RGS7: variants seen among roughly 807,000 people sequenced by gnomAD.
The protein encoded by RGS7 is regulator of G-protein signaling 7.
In RGS7, 27 loss-of-function variants were observed where a neutral mutation model predicts 81.1. The observed-to-expected ratio is 0.33, with a 90% CI of 0.25 to 0.46. RGS7 has a LOEUF of 0.46. Among genes scored for constraint, RGS7 ranks in the 20% least tolerant of loss-of-function variants. The pLI is 1.00. For synonymous variants in RGS7, 208 were observed against 207.7 expected, an observed-to-expected ratio of 1.00 and a Z score of -0.01; for missense variants, 396 against 607.4, an observed-to-expected ratio of 0.65 and a Z score of 3.66.
chr1:241,299,719 A>G (rs2079618651), intron 2 of RGS7, among the ~76,000 whole-genome samples: 1 of 151,978 alleles, frequency 6.6e-6, no homozygotes, highest in African/African-American at 2.4e-5. Flanking sequence ...ACAACCTGGT[A>G]CGATTACATA....
In RGS7 at chr1:241,271,554, T is replaced by G. The variant is rs933366163; in HGVS notation, c.78+84145A>C. Among the ~76,000 whole-genome samples, 2 of 152,204 alleles carry G rather than the reference T, an allele frequency of 1.3e-5. No homozygotes were observed. The highest frequency in any genetic ancestry group is 2.4e-5 in the African/African-American group (1 of 41,452). Reference sequence around the variant, plus strand: ...CAGGTATCTGGTTAAACATTATTTTTGGGTGTGTCTGTGAGAGGCTTTCTG... The same window carrying G: ...CAGGTATCTGGTTAAACATTATTTTGGGGTGTGTCTGTGAGAGGCTTTCTG... On this transcript the variant is annotated intron_variant, in intron 2 of 18. Transcript: ENST00000440928. This position sits in a 1 kb window ranked among gnomAD's most constrained non-coding sequence, Gnocchi z 4.6.
chr1:241,216,483 C>T (rs1165318491), intron 2 of RGS7, among the ~76,000 whole-genome samples: 2 of 152,158 alleles, frequency 1.3e-5, no homozygotes, highest in Non-Finnish European at 2.9e-5. Context: ...CAGTATCCTA[C>T]TCAACACCAG....
In RGS7 at chr1:241,080,019, C is replaced by G. The variant is rs377244129; in HGVS notation, c.175+18647G>C. On this transcript the variant is annotated intron_variant, in intron 3 of 18. Coordinates refer to ENST00000440928, the MANE Select transcript of RGS7 (RefSeq NM_001364886.1). ...TGTAATATGTCTGCATCAGTTAAAT[C>G]TCCCAAAACAAATTTGCAATATTGC... is the stretch of plus-strand genomic sequence containing the variant. Among the ~76,000 whole-genome samples the G allele has an allele frequency of 2.0e-5, 3 of 152,094 alleles. No homozygotes were observed. In the South Asian group the frequency reaches 6.2e-4, roughly 32 times the overall value.
intron 2 of RGS7, among the ~76,000 whole-genome samples, chr1:241,204,469 A>G (rs994616456): frequency 1.3e-5 from 2 of 152,198 alleles, no homozygotes; most frequent in Non-Finnish European, 2.9e-5. Flanking sequence ...CTTAGTGAAT[A>G]AAGAGGAAAT....
intron 2 of RGS7, among the ~76,000 whole-genome samples, chr1:241,323,759 ACT>A (rs1230675407): frequency 6.6e-6 from 1 of 152,120 alleles, no homozygotes; most frequent in African/African-American, 2.4e-5. Context: ...CAACCTGCAG[ACT>A]CACATCTATC....
intron 3 of RGS7, among the ~76,000 whole-genome samples, chr1:240,983,946 A>G (rs999258193): frequency 6.6e-6 from 1 of 152,222 alleles, no homozygotes; most frequent in African/African-American, 2.4e-5. Context: ...GGTCTGCAGA[A>G]AACAATGTTT....
intron 3 of RGS7, among the ~76,000 whole-genome samples, chr1:240,986,196 G>A (rs1685642037): frequency 6.6e-6 from 1 of 152,136 alleles, no homozygotes; most frequent in Non-Finnish European, 1.5e-5. Flanking sequence ...AGCAGAAGCA[G>A]TAGAGGTTTT....
At chr1:241,006,830 C>G (rs1436535787) in intron 3 of RGS7, among the ~76,000 whole-genome samples, 5 of 152,158 alleles carry the variant, frequency 3.3e-5, no homozygotes, top group Non-Finnish European at 5.9e-5. Flanking sequence ...TCCTCCTCAG[C>G]CTACTCAACC....
intron 2 of RGS7, among the ~76,000 whole-genome samples, chr1:241,210,242 C>G (rs2074169337): frequency 6.6e-6 from 1 of 152,126 alleles, no homozygotes; most frequent in South Asian, 2.1e-4. Context: ...CTCTGCCTGC[C>G]AGGTTCAAGT....
chr1:241,210,897 AT>A lies in RGS7; in HGVS notation c.79-112136del, dbSNP rs1303850876. Among the ~76,000 whole-genome samples the A allele has an allele frequency of 2.8e-4, 43 of 152,222 alleles. 1 individual carries two copies. Among genetic ancestry groups the A allele is most frequent in the African/African-American group, 9.9e-4 (41 of 41,460 alleles). ...GACACTATTTTGGTAATAGATCAAC[AT>A]AAGAAAATTTAAGGCTAGAGGTCAA... On this transcript the variant is annotated intron_variant, in intron 2 of 18. Coordinates refer to ENST00000440928, the MANE Select transcript of RGS7 (RefSeq NM_001364886.1).
chr1:241,347,675 C>A (rs1018858786), intron 2 of RGS7, among the ~76,000 whole-genome samples: 1 of 152,120 alleles, frequency 6.6e-6, no homozygotes, highest in African/African-American at 2.4e-5. Flanking sequence ...CATAAACACC[C>A]TGCACAGTAC....
At chr1:241,216,913 A>G (rs911491556) in intron 2 of RGS7, among the ~76,000 whole-genome samples, 1 of 152,240 alleles carries the variant, frequency 6.6e-6, no homozygotes, top group Non-Finnish European at 1.5e-5. Flanking sequence ...TTAAACCTGA[A>G]TCCAGCAACT....
intron 2 of RGS7, among the ~76,000 whole-genome samples, chr1:241,301,384 G>T (rs1316069615): frequency 6.6e-6 from 1 of 152,190 alleles, no homozygotes; most frequent in Non-Finnish European, 1.5e-5. Flanking sequence ...ACACTGAGGG[G>T]TTCAAATAGA....
intron 10 of RGS7, among the ~76,000 whole-genome samples, chr1:240,817,045 T>C (rs938235754): frequency 1.3e-5 from 2 of 152,192 alleles, no homozygotes; most frequent in African/African-American, 4.8e-5. Flanking sequence ...TCAATACCCT[T>C]GTATTTTTTA....
rs190878193 is a variant in RGS7 at position 240,951,825 on chromosome 1, T to G, written c.227-15119A>C. Among the ~76,000 whole-genome samples, 41 of 151,080 alleles carry G rather than the reference T, an allele frequency of 2.7e-4. No individual in the cohort carries two copies. In the East Asian group the frequency reaches 7.8e-3, roughly 29 times the overall value. ...AAGAAAAGTAAATAACAAAAAAATC[T>G]AAATCTACACATATCTTATTCTAAC... On this transcript the variant is annotated intron_variant, in intron 4 of 18. Coordinates refer to ENST00000440928, the MANE Select transcript of RGS7 (RefSeq NM_001364886.1).
At position 240,806,136 on chromosome 1, in the gene RGS7, C is replaced by G; in HGVS notation, c.1269+4G>C. 6.2e-7 allele frequency: 1 copy of G among 1,612,702 alleles called. No individual in the cohort carries two copies. Among genetic ancestry groups the G allele is most frequent in the South Asian group, 1.1e-5 (1 of 91,044 alleles). On this transcript the variant is annotated splice_donor_region_variant and intron_variant, in intron 15 of 18. Transcript: ENST00000440928. ...TTGTGGTGTGAGGCTCACCGTACACCCACCTGAGCATCTTCAAATGTGTAT... is the reference window on the plus strand; with the variant it reads ...TTGTGGTGTGAGGCTCACCGTACACGCACCTGAGCATCTTCAAATGTGTAT...
At chr1:241,006,555 G>A (rs1179889927) in intron 3 of RGS7, among the ~76,000 whole-genome samples, 3 of 152,150 alleles carry the variant, frequency 2.0e-5, no homozygotes. Flanking sequence ...AAACTAGAGG[G>A]AACAATGAAA....
At chr1:240,817,719 C>T (rs1691065221) in intron 10 of RGS7, among the ~76,000 whole-genome samples, 2 of 152,202 alleles carry the variant, frequency 1.3e-5, no homozygotes, top group Admixed American at 1.3e-4. Context: ...TCTCTTGCCT[C>T]AGCCTCCCAA....
At chr1:240,901,893 A>T (rs1015958776) in intron 6 of RGS7, among the ~76,000 whole-genome samples, 2 of 152,208 alleles carry the variant, frequency 1.3e-5, no homozygotes, top group Non-Finnish European at 2.9e-5. Context: ...ATCTAGTTAT[A>T]TATTTTCTCT....
Sources: allele counts gnomAD v4.1 joint callset (sites outside exome capture counted in the v4.1 genomes callset), GRCh38; gene constraint gnomAD v4.1.1; non-coding constraint Gnocchi (gnomAD v3.1); transcripts MANE v1.5; gene names NCBI Gene and HGNC (gene_info 2026-07-23, HGNC 2026-07-21).